ESYT1: variants seen among roughly 807,000 people sequenced by gnomAD.
ESYT1 encodes extended synaptotagmin 1, also known as extended synaptotagmin-1.
Under a neutral mutation model 154.2 loss-of-function variants are expected in ESYT1, and 116 were observed. The ratio of observed to expected loss-of-function variants is 0.75; its 90% confidence interval spans 0.65 to 0.88. The LOEUF (loss-of-function observed/expected upper bound fraction) is 0.88. ESYT1 is among the 40% of genes least tolerant of loss of function. The pLI is 0.00. For synonymous variants in ESYT1, 500 were observed against 539.9 expected (o/e 0.93, Z 1.02); for missense variants, 1,264 against 1,379.3 (o/e 0.92, Z 1.32).
rs1299254261 is a variant in ESYT1 at position 56,141,608 on chromosome 12, C to T, written c.2593-677C>T. On this transcript the variant is annotated intron_variant, in intron 24 of 30. Coordinates refer to ENST00000394048, the MANE Select transcript of ESYT1 (RefSeq NM_015292.3). ...ACAAAAAATTAGCCGGGTGTGGTGG[C>T]GGACACCTGTAGTCCCAGCTACTTG... Among the ~76,000 whole-genome samples the T allele has an allele frequency of 3.9e-5, 6 of 152,178 alleles. No individual in the cohort carries two copies. In the South Asian group the frequency reaches 6.3e-4, roughly 16 times the overall value.
Position 56,138,853 on chromosome 12 carries a change from C to T in ESYT1, c.2505+14C>T. 6.2e-7 allele frequency: 1 copy of T among 1,613,650 alleles called. No homozygotes were observed. Among genetic ancestry groups the T allele is most frequent in the East Asian group, 2.2e-5 (1 of 44,878 alleles). ...CATAAAACCAAGGTATGAAGAAATGCTGCAGGGTAAAAATGGGAGGGATAA... is the reference window on the plus strand; with the variant it reads ...CATAAAACCAAGGTATGAAGAAATGTTGCAGGGTAAAAATGGGAGGGATAA... On this transcript the variant is annotated intron_variant, in intron 23 of 30. Transcript: ENST00000394048.
rs367615669 is a variant in ESYT1 at position 56,143,910 on chromosome 12, C to G, written c.*48C>G. 2.9e-5 allele frequency: 46 copies of G among 1,612,432 alleles called. No individual in the cohort carries two copies. The highest frequency in any genetic ancestry group is 3.3e-5 in the South Asian group (3 of 91,050). On this transcript the variant is annotated 3_prime_UTR_variant, in exon 31 of 31. Coordinates refer to ENST00000394048, the MANE Select transcript of ESYT1 (RefSeq NM_015292.3). ...CTGCTCTGTCTTCCTGCCTTCGTCTCGCTCCATCACCGCCTCAATGTGATG... is the reference window on the plus strand; with the variant it reads ...CTGCTCTGTCTTCCTGCCTTCGTCTGGCTCCATCACCGCCTCAATGTGATG...
In ESYT1 at chr12:56,143,942, A is replaced by G; in HGVS notation, c.*80A>G. ...TCACCGCCTCAATGTGATGAGCCTA[A>G]AGCTAGGGTCCAAGGGCAGAGCCTG... On this transcript the variant is annotated 3_prime_UTR_variant, in exon 31 of 31. Transcript: ENST00000394048. 6.2e-7 allele frequency: 1 copy of G among 1,608,456 alleles called. No individual in the cohort carries two copies. Among genetic ancestry groups the G allele is most frequent in the East Asian group, 2.2e-5 (1 of 44,840 alleles).
intron 29 of ESYT1, 92 bp from the exon 30 acceptor site, chr12:56,143,488 C>T (rs932706466): frequency 6.4e-7 from 1 of 1,566,340 alleles, no homozygotes; most frequent in African/African-American, 1.4e-5. Context: ...GGAACATGGT[C>T]TTTGGAGATT....
intron 15 of ESYT1, among the ~76,000 whole-genome samples, chr12:56,136,452 G>A (rs1316859267): frequency 3.3e-5 from 5 of 152,144 alleles, no homozygotes; most frequent in Admixed American, 3.3e-4. Flanking sequence ...TTAGCTGGGC[G>A]TGACGGCATG....
chr12:56,136,904 AGAG>A lies in ESYT1; in HGVS notation c.1782+16_1782+18del. On this transcript the variant is annotated intron_variant, in intron 16 of 30. Transcript: ENST00000394048. The stretch of plus-strand genomic sequence containing the variant: ...AAACTAGTCATGAGGGTATGGAAAT[AGAG>A]GAGGTACTGAGGTGTGGGGGAAAGG... 6.3e-7 allele frequency: 1 copy of A among 1,581,358 alleles called. No homozygotes were observed. The highest frequency in any genetic ancestry group is 8.6e-7 in the Non-Finnish European group (1 of 1,161,260).
rs774332513 is a variant in ESYT1 at position 56,138,221 on chromosome 12, C to T, written c.2286C>T (p.His762=). 5 of 1,614,242 alleles carry T rather than the reference C, an allele frequency of 3.1e-6. No individual in the cohort carries two copies. In the South Asian group the frequency reaches 4.4e-5, roughly 14 times the overall value. The change falls in exon 21 of 31, where the codon CAC becomes CAT. Residue 762 remains histidine, a synonymous_variant. Transcript: ENST00000394048. ...TLEDVPSGRL[H]LRLERLTPRP... is the part of the protein sequence containing the mutation. ...AGGATGTCCCATCTGGCCGCCTGCA[C>T]TTGCGCCTGGAGCGTCTCACCCCCC... is the stretch of plus-strand genomic sequence containing the variant.
chr12:56,133,553 G>GT, intron 11 of ESYT1, 35 bp from the exon 12 acceptor site: 1 of 1,612,530 alleles, frequency 6.2e-7, no homozygotes, highest in Non-Finnish European at 8.5e-7. Flanking sequence ...AGTTGAGCAG[G>GT]TATCTGATCT....
chr12:56,131,602 G>A lies in ESYT1; in HGVS notation c.804+36G>A, dbSNP rs747569727. The A allele has an allele frequency of 7.4e-6, 12 of 1,611,450 alleles. No individual in the cohort carries two copies. The African/African-American group carries it at 1.5e-4, about 20-fold the overall frequency. ...ACAATGAAGGGGTATGGGGAAGCAGGAGAAACAGAGGACTGGGAGGATGAG... is the reference window on the plus strand; with the variant it reads ...ACAATGAAGGGGTATGGGGAAGCAGAAGAAACAGAGGACTGGGAGGATGAG... On this transcript the variant is annotated intron_variant, in intron 6 of 30. Transcript: ENST00000394048.
In ESYT1 at chr12:56,138,512, T is replaced by TC. The variant is rs1428393305; in HGVS notation, c.2433+17dup. 1 of 1,591,754 alleles carries TC rather than the reference T, an allele frequency of 6.3e-7. No individual in the cohort carries two copies. The highest frequency in any genetic ancestry group is 8.6e-7 in the Non-Finnish European group (1 of 1,169,312). ...AGAGGACCTCCCGGTGAGATCCCGC[T>TC]CCCCATGCCCCATAACTTCCTGGCC... On this transcript the variant is annotated intron_variant, in intron 22 of 30. Coordinates refer to ENST00000394048, the MANE Select transcript of ESYT1 (RefSeq NM_015292.3).
chr12:56,130,861 C>G lies in ESYT1; in HGVS notation c.503C>G (p.Ala168Gly). ...EKLLAETVAP[A>G]VRGSNPHLQT... The stretch of plus-strand genomic sequence containing the variant: ...CTTCTGGCTGAAACTGTGGCTCCGG[C>G]TGTTAGGGGATCTAACCCCCATCTG... The change falls in exon 3 of 31, where the codon GCT becomes GGT. Residue 168 changes from alanine (A) to glycine (G), a missense_variant. Physicochemically the swap from Ala to Gly is moderately conservative, Grantham distance 60. Transcript: ENST00000394048. The G allele has an allele frequency of 6.2e-7, 1 of 1,614,202 alleles. No individual in the cohort carries two copies. Among genetic ancestry groups the G allele is most frequent in the Non-Finnish European group, 8.5e-7 (1 of 1,180,042 alleles).
chr12:56,131,642 G>A (rs2136870027), intron 6 of ESYT1, 76 bp downstream of exon 6: 3 of 1,602,564 alleles, frequency 1.9e-6, no homozygotes, highest in Non-Finnish European at 2.6e-6. Flanking sequence ...GCCAGTGAAG[G>A]GGAATGAGAA....
intron 1 of ESYT1, chr12:56,130,215 A>G: frequency 2.9e-6 from 1 of 347,654 alleles, no homozygotes; most frequent in Non-Finnish European, 5.5e-6. Context: ...CCAGCCTGGA[A>G]CCAGGACTTT....
At chr12:56,141,701 C>G (rs1490042090) in intron 24 of ESYT1, among the ~76,000 whole-genome samples, 2 of 152,090 alleles carry the variant, frequency 1.3e-5, no homozygotes, top group African/African-American at 2.4e-5. Flanking sequence ...GATTGCGCCA[C>G]TGCACTCCAG....
At chr12:56,135,454 G>A (rs974350684) in intron 15 of ESYT1, among the ~76,000 whole-genome samples, 2 of 151,606 alleles carry the variant, frequency 1.3e-5, no homozygotes, top group Admixed American at 6.6e-5. Context: ...TTACAGGCGT[G>A]AGCCACCGTG....
Position 56,143,005 on chromosome 12 carries a change from C to T in ESYT1, c.2988-12C>T. Reference sequence around the variant, plus strand: ...CTCAGGTTACCATATCACCTACATCCTCCTGTTGTAGGTCCCTTCGACAGA... The same window carrying T: ...CTCAGGTTACCATATCACCTACATCTTCCTGTTGTAGGTCCCTTCGACAGA... On this transcript the variant is annotated splice_polypyrimidine_tract_variant and intron_variant, in intron 27 of 30. Coordinates refer to ENST00000394048, the MANE Select transcript of ESYT1 (RefSeq NM_015292.3). The T allele has an allele frequency of 1.2e-6, 2 of 1,614,196 alleles. No individual in the cohort carries two copies. The highest frequency in any genetic ancestry group is 2.2e-5 in the South Asian group (2 of 91,074).
intron 24 of ESYT1, among the ~76,000 whole-genome samples, chr12:56,139,618 A>G (rs1176192933): frequency 7.1e-6 from 1 of 140,874 alleles, no homozygotes; most frequent in Non-Finnish European, 1.5e-5. Flanking sequence ...TTTTGAGACT[A>G]GAGTCTCACT....
In ESYT1 at chr12:56,137,653, C is replaced by T. The variant is rs1416303858; in HGVS notation, c.2093C>T (p.Pro698Leu). 2 of 1,613,904 alleles carry T rather than the reference C, an allele frequency of 1.2e-6. No individual in the cohort carries two copies. Among genetic ancestry groups the T allele is most frequent in the Non-Finnish European group, 1.7e-6 (2 of 1,179,996 alleles). Residue 698 changes from proline to leucine, a missense_variant, in exon 18 of 31, where the codon CCC becomes CTC. Physicochemically the swap from Pro to Leu is moderately conservative, Grantham distance 98. Transcript: ENST00000394048. ...CATGTTGTTCGGGAAGATCTCAATCCCCGCTGGAATGAGGTTTTTGAGGTC... is the reference window on the plus strand; with the variant it reads ...CATGTTGTTCGGGAAGATCTCAATCTCCGCTGGAATGAGGTTTTTGAGGTC... ...RSHVVREDLN[P>L]RWNEVFEVIV...
At chr12:56,134,760 G>A (rs957992589) in intron 15 of ESYT1, among the ~76,000 whole-genome samples, 23 of 152,002 alleles carry the variant, frequency 1.5e-4, no homozygotes, top group Admixed American at 2.6e-4. Flanking sequence ...CACCATGCCC[G>A]GCTAATTTTT....
Sources: allele counts gnomAD v4.1 joint callset (sites outside exome capture counted in the v4.1 genomes callset), GRCh38; gene constraint gnomAD v4.1.1; transcripts MANE v1.5; gene names NCBI Gene and HGNC (gene_info 2026-07-23, HGNC 2026-07-21).